The following MAGI2 variants were observed in gnomAD, a reference collection of about 807,000 sequenced individuals.
MAGI2 encodes membrane-associated guanylate kinase, WW and PDZ domain-containing protein 2.
MAGI2 carries 35 observed loss-of-function variants against 133.3 expected under a neutral mutation model. The observed-to-expected ratio is 0.26, with a 90% CI of 0.20 to 0.35. MAGI2 has a LOEUF of 0.35. Among genes scored for constraint, MAGI2 ranks in the 10% least tolerant of loss-of-function variants. The probability of loss-of-function intolerance (pLI) is 1.00; values close to 1 mark genes in which losing one functional copy is unlikely to be tolerated. For missense variants in MAGI2, 1,636 were observed against 1,863.4 expected (o/e 0.88, Z 2.25); for synonymous variants, 729 against 710.6 (o/e 1.03, Z -0.41).
chr7:78,221,440 C>G (rs1007753950), intron 10 of MAGI2, among the ~76,000 whole-genome samples: 3 of 152,086 alleles, frequency 2.0e-5, no homozygotes, highest in Non-Finnish European at 4.4e-5. Flanking sequence ...GAGAACTAGA[C>G]TAACTTTATT....
intron 21 of MAGI2, among the ~76,000 whole-genome samples, chr7:78,044,707 A>G (rs6465976): frequency 0.46 from 60,105 of 130,986 alleles, 12,259 homozygotes; most frequent in African/African-American, 0.5. Context: ...GTGTGTGTGC[A>G]CGTGTGCACA....
chr7:78,055,947 A>G (rs1486289394), intron 21 of MAGI2, among the ~76,000 whole-genome samples: 2 of 152,110 alleles, frequency 1.3e-5, no homozygotes, highest in Non-Finnish European at 2.9e-5. Context: ...TTTTTTAATT[A>G]TTGTGGTAAA....
chr7:79,391,636 A>C (rs953664123), intron 1 of MAGI2, among the ~76,000 whole-genome samples: 3 of 150,128 alleles, frequency 2.0e-5, no homozygotes, highest in African/African-American at 4.9e-5. Context: ...CGTGTGCTAT[A>C]GTGGTTTGCT....
chr7:78,303,307 A>G (rs150237054), intron 9 of MAGI2, among the ~76,000 whole-genome samples: 248 of 133,802 alleles, frequency 1.9e-3, no homozygotes, highest in African/African-American at 6.5e-3. Context: ...CGAACCTGGG[A>G]GGTGAAGGTT....
intron 1 of MAGI2, among the ~76,000 whole-genome samples, chr7:79,283,988 C>T (rs1289586122): frequency 6.6e-6 from 1 of 151,978 alleles, no homozygotes; most frequent in Non-Finnish European, 1.5e-5. Context: ...GTATTCAGTA[C>T]AGTAACATGC....
chr7:78,109,300 T>C (rs1819075080), intron 20 of MAGI2, among the ~76,000 whole-genome samples: 2 of 23,016 alleles, frequency 8.7e-5, no homozygotes, highest in African/African-American at 4.5e-4. Context: ...CAAGACTCCG[T>C]CTCAAAAAAA....
chr7:78,078,987 C>T lies in MAGI2; in HGVS notation c.3666G>A (p.Arg1222=), dbSNP rs150864756. The change falls in exon 21 of 22, where the codon AGG becomes AGA. Residue 1222 remains arginine (R), a synonymous_variant. Coordinates refer to ENST00000354212, the MANE Select transcript of MAGI2 (RefSeq NM_012301.4). ...ELIKSGGRRV[R]LLLKRGTGQV... is the part of the protein sequence containing the mutation. ...GTCCCGTGCCTCTCTTGAGCAGCAG[C>T]CTCACTCGTCTTCCTCCAGATTTGA... is the stretch of plus-strand genomic sequence containing the variant. 5.0e-6 allele frequency: 8 copies of T among 1,613,604 alleles called. No homozygotes were observed. The African/African-American group carries it at 1.1e-4, about 22-fold the overall frequency.
rs11975666 is a variant in MAGI2 at position 78,703,112 on chromosome 7, T to C, written c.419-75873A>G. On this transcript the variant is annotated intron_variant, in intron 2 of 21. Transcript: ENST00000354212. ...AGAAATGCAGAAGTAAGTGACATCA[T>C]AGAAGTCAGTACAGAAAATAAAGTT... 7.2e-3 allele frequency among the ~76,000 whole-genome samples: 1,098 copies of C among 152,030 alleles called. 14 individuals are homozygous for C. The highest frequency in any genetic ancestry group is 0.025 in the African/African-American group (1,053 of 41,510).
At chr7:78,611,023 G>C (rs1806381212) in intron 3 of MAGI2, among the ~76,000 whole-genome samples, 1 of 152,162 alleles carries the variant, frequency 6.6e-6, no homozygotes, top group Non-Finnish European at 1.5e-5. Flanking sequence ...TTACGCTTCA[G>C]GTTTCTCCTC....
At chr7:79,225,673 T>G (rs570506619) in intron 1 of MAGI2, among the ~76,000 whole-genome samples, 1 of 152,312 alleles carries the variant, frequency 6.6e-6, no homozygotes, top group South Asian at 2.1e-4. Flanking sequence ...AGCAAATTTT[T>G]AAAATCTCAA....
chr7:78,539,165 C>G (rs1194875489), intron 3 of MAGI2, among the ~76,000 whole-genome samples: 1 of 152,138 alleles, frequency 6.6e-6, no homozygotes, highest in Non-Finnish European at 1.5e-5. Context: ...TCATAGGTGG[C>G]TTTTATTACA....
At chr7:78,324,241 A>G (rs28493954) in intron 9 of MAGI2, among the ~76,000 whole-genome samples, 7,962 of 151,132 alleles carry the variant, frequency 0.053, 404 homozygotes, top group African/African-American at 0.13. Context: ...AGGGGGAAAA[A>G]AAAAACAGAA....
At chr7:79,339,913 G>C (rs1431077483) in intron 1 of MAGI2, among the ~76,000 whole-genome samples, 1 of 151,874 alleles carries the variant, frequency 6.6e-6, no homozygotes, top group Admixed American at 6.6e-5. Context: ...GATCTTTTTG[G>C]TTGGCCATTT....
chr7:78,668,825 G>C (rs1813962701), intron 2 of MAGI2, among the ~76,000 whole-genome samples: 2 of 135,026 alleles, frequency 1.5e-5, no homozygotes, highest in African/African-American at 5.6e-5. Flanking sequence ...ATGACTACTG[G>C]GTACATAACG....
chr7:78,516,881 T>C (rs1796087448), intron 4 of MAGI2, among the ~76,000 whole-genome samples: 1 of 152,206 alleles, frequency 6.6e-6, no homozygotes, highest in Non-Finnish European at 1.5e-5. Context: ...AACAAAATGA[T>C]AATTCTGAGG....
chr7:78,040,668 G>A (rs1810733148), intron 21 of MAGI2, among the ~76,000 whole-genome samples: 1 of 152,182 alleles, frequency 6.6e-6, no homozygotes, highest in South Asian at 2.1e-4. Context: ...CCTCGCCTTG[G>A]AGACAGCCCT....
intron 1 of MAGI2, among the ~76,000 whole-genome samples, chr7:79,264,037 C>G (rs1834267267): frequency 6.6e-6 from 1 of 152,054 alleles, no homozygotes; most frequent in East Asian, 1.9e-4. Flanking sequence ...TTTCAAGAAG[C>G]CACCACATTT....
At chr7:78,242,614 T>G (rs1791276983) in intron 10 of MAGI2, among the ~76,000 whole-genome samples, 2 of 152,208 alleles carry the variant, frequency 1.3e-5, no homozygotes, top group South Asian at 4.2e-4. Context: ...TTTCTCCTAA[T>G]CTCCCTGGAT....
intron 2 of MAGI2, among the ~76,000 whole-genome samples, chr7:78,862,418 G>T (rs1438011372): frequency 6.6e-6 from 1 of 152,194 alleles, no homozygotes; most frequent in African/African-American, 2.4e-5. Context: ...GCTTGTCCAA[G>T]ATATTTTTGG....
Sources: allele counts gnomAD v4.1 joint callset (sites outside exome capture counted in the v4.1 genomes callset), GRCh38; gene constraint gnomAD v4.1.1; transcripts MANE v1.5; gene names NCBI Gene and HGNC (gene_info 2026-07-23, HGNC 2026-07-21).